Variants in MMP20 observed in about 807,000 individuals in gnomAD.
MMP20 encodes matrix metallopeptidase 20.
MMP20 carries 50 observed loss-of-function variants against 51.8 expected under a neutral mutation model. That is an observed-to-expected ratio of 0.97 (90% confidence interval 0.77 to 1.22). The LOEUF (loss-of-function observed/expected upper bound fraction) is 1.22, where lower values mean the gene tolerates loss of function less well. Among genes scored for constraint, MMP20 ranks in the 50% most tolerant of loss-of-function variants. The probability of loss-of-function intolerance (pLI) is 0.00; values close to 1 mark genes in which losing one functional copy is unlikely to be tolerated. For missense variants in MMP20, 663 were observed against 601.4 expected (o/e 1.10, Z -1.07); for synonymous variants, 244 against 216.2 (o/e 1.13, Z -1.13).
At position 102,581,177 on chromosome 11, in the gene MMP20, C is replaced by CCACACA. The variant is rs36075826; in HGVS notation, c.1248-2041_1248-2036dup. ...ACACACACACATGCACACGCACACACCACACACACACACACACACACACCT... is the reference window on the plus strand; with the variant it reads ...ACACACACACATGCACACGCACACACCACACACACACACACACACACACACACACCT... On this transcript the variant is annotated intron_variant, in intron 8 of 9. Coordinates refer to ENST00000260228, the MANE Select transcript of MMP20 (RefSeq NM_004771.4). Among the ~76,000 whole-genome samples the CCACACA allele has an allele frequency of 7.4e-5, 11 of 149,286 alleles. No individual in the cohort carries two copies. In the East Asian group the frequency reaches 1.4e-3, roughly 19 times the overall value.
In MMP20 at chr11:102,594,867, C is replaced by T. The variant is rs1002186209; in HGVS notation, c.954-110G>A. On this transcript the variant is annotated intron_variant, in intron 6 of 9. Transcript: ENST00000260228. ...ACTCAGAGGCCACTCACTAAATGCC[C>T]TTTGCTCTTGCCTTGCCTTGCCTTG... is the stretch of plus-strand genomic sequence containing the variant. 79 of 1,383,038 alleles carry T rather than the reference C, an allele frequency of 5.7e-5. 1 individual carries two copies. In the South Asian group the frequency reaches 6.5e-4, roughly 11 times the overall value. 85.7% of individuals were successfully genotyped at this position (1,383,038 alleles called of 1,614,324 possible). A position where few individuals can be genotyped will look rare whatever the true frequency, so the allele number is the denominator to read the frequency against.
chr11:102,599,514 T>G (rs989470476), intron 6 of MMP20, among the ~76,000 whole-genome samples: 1 of 152,200 alleles, frequency 6.6e-6, no homozygotes, highest in African/African-American at 2.4e-5. Flanking sequence ...CACAAACACT[T>G]AAAAGGATCA....
In MMP20 at chr11:102,616,891, G is replaced by A. The variant is rs754626993; in HGVS notation, c.295C>T (p.Arg99Cys). 60 of 1,614,064 alleles carry A rather than the reference G, an allele frequency of 3.7e-5. No individual in the cohort carries two copies. Among genetic ancestry groups the A allele is most frequent in the Non-Finnish European group, 4.8e-5 (57 of 1,180,044 alleles). The change falls in exon 2 of 10, where the codon CGC (arginine) becomes TGC (cysteine). Residue 99 changes from arginine to cysteine, a missense_variant. Physicochemically the swap from Arg to Cys is radical, Grantham distance 180. Transcript: ENST00000260228. Reference protein sequence around the residue: ...QTTMNVIKKPRCGVPDVANYR... With the variant: ...QTTMNVIKKPCCGVPDVANYR... The stretch of plus-strand genomic sequence containing the variant: ...TTGGCCACATCAGGAACTCCACAGC[G>A]AGGCTTCTTGATCACGTTCATTGTG...
chr11:102,588,137 T>C (rs1859275010), intron 8 of MMP20, among the ~76,000 whole-genome samples: 1 of 152,098 alleles, frequency 6.6e-6, no homozygotes, highest in African/African-American at 2.4e-5. Flanking sequence ...GTGGTTGATG[T>C]AGGGCTTGCC....
intron 6 of MMP20, among the ~76,000 whole-genome samples, chr11:102,599,111 C>T (rs997490480): frequency 6.6e-6 from 1 of 150,406 alleles, no homozygotes; most frequent in Non-Finnish European, 1.5e-5. Flanking sequence ...CTCCTGGGTT[C>T]AAACGATTCT....
At chr11:102,584,421 T>C (rs1419972322) in intron 8 of MMP20, among the ~76,000 whole-genome samples, 2 of 152,234 alleles carry the variant, frequency 1.3e-5, no homozygotes, top group Non-Finnish European at 2.9e-5. Flanking sequence ...GCCATTTGTA[T>C]ATCTTTGTTG....
chr11:102,579,060 C>T lies in MMP20; in HGVS notation c.1330G>A (p.Asp444Asn), dbSNP rs201488609. The change falls in exon 9 of 10, where the codon GAT becomes AAT. Residue 444 changes from aspartate (D) to asparagine (N), a missense_variant. Physicochemically the swap from Asp to Asn is conservative, Grantham distance 23. Coordinates refer to ENST00000260228, the MANE Select transcript of MMP20 (RefSeq NM_004771.4). ...EEFSGVNGQI[D>N]AAVELNGYIY... ...TTACCATTTAATTCTACAGCAGCAT[C>T]GATTTGGCCATTTACTCCTGAAAAT... 5 of 1,611,796 alleles carry T rather than the reference C, an allele frequency of 3.1e-6. No individual in the cohort carries two copies. The highest frequency in any genetic ancestry group is 1.3e-5 in the African/African-American group (1 of 75,010).
chr11:102,609,671 G>T (rs541059153), intron 4 of MMP20, among the ~76,000 whole-genome samples: 80 of 152,286 alleles, frequency 5.3e-4, no homozygotes, highest in Non-Finnish European at 9.1e-4. Flanking sequence ...TTGAGAAGGG[G>T]ATGACTGGTT....
At chr11:102,617,166 A>G (rs2135946927) in intron 1 of MMP20, 107 bp from the exon 2 acceptor site, 1 of 1,337,610 alleles carries the variant, frequency 7.5e-7, no homozygotes, top group East Asian at 2.3e-5. Context: ...CAGTGTGTAG[A>G]GTATTTTCCC....
In MMP20 at chr11:102,593,454, C is replaced by T; in HGVS notation, c.1232G>A (p.Gly411Glu). The T allele has an allele frequency of 1.2e-6, 2 of 1,614,040 alleles. No homozygotes were observed. Among genetic ancestry groups the T allele is most frequent in the Non-Finnish European group, 8.5e-7 (1 of 1,179,950 alleles). Residue 411 changes from glycine to glutamate, a missense_variant, in exon 8 of 10, where the codon GGA (glycine) becomes GAA (glutamate). Transcript: ENST00000260228. ...REPQKTLFFV[G>E]DEYYSYDERK... ...AAAGCCATACCTGTAGTATTCATCT[C>T]CCACAAAGAAAAGGGTCTTCTGTGG...
intron 8 of MMP20, among the ~76,000 whole-genome samples, chr11:102,591,566 T>C (rs1252904283): frequency 6.6e-6 from 1 of 152,230 alleles, no homozygotes; most frequent in Admixed American, 6.5e-5. Flanking sequence ...TAATACCCTC[T>C]GTAACCTGAG....
chr11:102,619,110 C>G (rs1421219443), intron 1 of MMP20, among the ~76,000 whole-genome samples: 6 of 151,904 alleles, frequency 3.9e-5, no homozygotes, highest in Non-Finnish European at 8.8e-5. Flanking sequence ...GTTAGACCAC[C>G]TTAAGTATTG....
At chr11:102,591,753 T>C (rs974413733) in intron 8 of MMP20, among the ~76,000 whole-genome samples, 5 of 152,210 alleles carry the variant, frequency 3.3e-5, no homozygotes, top group African/African-American at 1.2e-4. Context: ...CGATTTTCTC[T>C]GGGGGCAAAG....
intron 6 of MMP20, among the ~76,000 whole-genome samples, chr11:102,601,122 A>ATTTTTTTT (rs1193022328): frequency 5.4e-5 from 2 of 36,986 alleles, no homozygotes; most frequent in African/African-American, 1.9e-4. Context: ...AGTGTCGGCT[A>ATTTTTTTT]TTCTTTTTTT....
At chr11:102,622,487 G>A (rs754965144) in intron 1 of MMP20, among the ~76,000 whole-genome samples, 3 of 152,086 alleles carry the variant, frequency 2.0e-5, no homozygotes, top group African/African-American at 7.2e-5. Flanking sequence ...AGGTCTTCAC[G>A]TGACTGGCTC....
chr11:102,598,822 A>T (rs1179891254), intron 6 of MMP20, among the ~76,000 whole-genome samples: 6 of 151,920 alleles, frequency 3.9e-5, no homozygotes, highest in Non-Finnish European at 8.8e-5. Context: ...TTCTCCACCT[A>T]CCTAAGCTGA....
intron 8 of MMP20, among the ~76,000 whole-genome samples, chr11:102,584,908 C>T (rs554498091): frequency 2.0e-5 from 3 of 152,048 alleles, no homozygotes; most frequent in Non-Finnish European, 2.9e-5. Flanking sequence ...GACTTTATAT[C>T]GTTGTCAAAA....
intron 1 of MMP20, among the ~76,000 whole-genome samples, chr11:102,620,645 T>C (rs1441418266): frequency 6.6e-6 from 1 of 152,236 alleles, no homozygotes; most frequent in Non-Finnish European, 1.5e-5. Context: ...CAAGCCCTTA[T>C]TCCGTGCATT....
intron 8 of MMP20, among the ~76,000 whole-genome samples, chr11:102,588,763 C>T (rs78038102): frequency 0.028 from 4,262 of 151,634 alleles, 201 homozygotes; most frequent in African/African-American, 0.098. Context: ...TTTAGTATCT[C>T]TGGTCAGGCA....
Sources: gnomAD v4.1 joint callset for allele counts (sites outside exome capture counted in the v4.1 genomes callset) on GRCh38, gnomAD v4.1.1 for gene constraint, MANE v1.5 for transcripts, NCBI Gene and HGNC (gene_info 2026-07-23, HGNC 2026-07-21) for gene names.